The following IFT140 variants were observed in gnomAD, a reference collection of about 807,000 sequenced individuals.
IFT140 encodes intraflagellar transport 140, also known as intraflagellar transport protein 140 homolog.
A neutral mutation model predicts 164.6 loss-of-function variants in IFT140; 133 were observed. The observed-to-expected ratio is 0.81, with a 90% CI of 0.70 to 0.93. The LOEUF (loss-of-function observed/expected upper bound fraction) is 0.93. IFT140 is among the 40% of genes least tolerant of loss of function. The pLI is 0.00. For synonymous variants in IFT140, 860 were observed against 817.3 expected, an observed-to-expected ratio of 1.05 and a Z score of -0.89; for missense variants, 2,045 against 1,972.3, an observed-to-expected ratio of 1.04 and a Z score of -0.70.
rs1489022769 is a variant in IFT140, at chr16:1,526,080, G to A, written c.2578-3C>T. 2 of 1,577,452 alleles carry A rather than the reference G, an allele frequency of 1.3e-6. No homozygotes were observed. On this transcript the variant is annotated splice_region_variant and splice_polypyrimidine_tract_variant and intron_variant, in intron 20 of 30. Transcript: ENST00000426508. ...CTGTACAGCTGCTCGGCGTCCTCCT[G>A]AGGAATGAGGATGGGCAGGTGTCGT...
Position 1,520,133 on chromosome 16 carries a change from G to T in IFT140, c.3871C>A (p.Gln1291Lys). 1 of 1,613,948 alleles carries T rather than the reference G, an allele frequency of 6.2e-7. No homozygotes were observed. The highest frequency in any genetic ancestry group is 8.5e-7 in the Non-Finnish European group (1 of 1,179,842). The change falls in exon 28 of 31, where the codon CAG becomes AAG. Residue 1291 changes from glutamine to lysine, a missense_variant and splice_region_variant. Coordinates refer to ENST00000426508, the MANE Select transcript of IFT140 (RefSeq NM_014714.4). ...LLAGFYDACA[Q>K]VEIDEYQNYD... ...GGCATGCCAGGGAGGGCCTGCACCT[G>T]GGCACAAGCGTCATAAAAGCCAGCC... is the stretch of plus-strand genomic sequence containing the variant.
Position 1,583,978 on chromosome 16 carries a change from G to C in IFT140, c.1359+239C>G, listed in dbSNP as rs141407175. On this transcript the variant is annotated intron_variant, in intron 11 of 30. Transcript: ENST00000426508. ...TCGAACTCCTGACCTCAAGTGATCT[G>C]CCCACCTCAGCCTCCCAAAGCGCTG... is the stretch of plus-strand genomic sequence containing the variant. Among the ~76,000 whole-genome samples the C allele has an allele frequency of 2.5e-3, 373 of 152,206 alleles. 1 individual carries two copies. The highest frequency in any genetic ancestry group is 8.6e-3 in the African/African-American group (357 of 41,528).
rs1567372955 is a variant in IFT140 at position 1,561,982 on chromosome 16, T to C, written c.2199+3A>G. The stretch of plus-strand genomic sequence containing the variant: ...CACCTGTGCGGATGTCGTGGCTTCG[T>C]ACCTTTCTTGTGAAGTAGTAATAAG... On this transcript the variant is annotated splice_donor_region_variant and intron_variant, in intron 18 of 30. Transcript: ENST00000426508. The C allele has an allele frequency of 6.3e-7, 1 of 1,597,958 alleles. No individual in the cohort carries two copies. The highest frequency in any genetic ancestry group is 1.7e-4 in the Middle Eastern group (1 of 5,988).
chr16:1,605,321 CTG>C (rs1274175640), intron 3 of IFT140, among the ~76,000 whole-genome samples: 1 of 152,196 alleles, frequency 6.6e-6, no homozygotes, highest in African/African-American at 2.4e-5. Flanking sequence ...CAACTGATGA[CTG>C]TCGCTGCTTG....
intron 6 of IFT140, among the ~76,000 whole-genome samples, chr16:1,590,028 C>G (rs893187018): frequency 5.3e-5 from 8 of 151,966 alleles, no homozygotes; most frequent in Non-Finnish European, 8.8e-5. Context: ...GAAATCCTGT[C>G]TATACTAAAA....
chr16:1,579,064 TGAC>T (rs1375377624), intron 13 of IFT140, among the ~76,000 whole-genome samples: 1 of 152,220 alleles, frequency 6.6e-6, no homozygotes, highest in Non-Finnish European at 1.5e-5. Flanking sequence ...AGCCTATTGT[TGAC>T]AACAAGACTT....
At chr16:1,511,191 A>G (rs201271765) in intron 30 of IFT140, 41 bp from the exon 31 acceptor site, 2 of 1,517,726 alleles carry the variant, frequency 1.3e-6, no homozygotes, top group Non-Finnish European at 1.8e-6. Flanking sequence ...TTCCTGAACA[A>G]CCAGGCACGA....
chr16:1,552,093 C>G (rs951498552), intron 19 of IFT140, among the ~76,000 whole-genome samples: 1 of 152,150 alleles, frequency 6.6e-6, no homozygotes, highest in Non-Finnish European at 1.5e-5. Context: ...CTGTTCCATT[C>G]GGATGAATGA....
At chr16:1,571,307 C>G (rs2033999793) in intron 14 of IFT140, 100 bp downstream of exon 14, 1 of 1,144,964 alleles carries the variant, frequency 8.7e-7, no homozygotes, top group Non-Finnish European at 1.2e-6. Flanking sequence ...AAAATGGGCA[C>G]CTAAGGAGTC....
intron 30 of IFT140, among the ~76,000 whole-genome samples, chr16:1,516,348 G>A (rs1260538618): frequency 6.6e-6 from 1 of 152,116 alleles, no homozygotes; most frequent in African/African-American, 2.4e-5. Context: ...ACACGGGTGG[G>A]AAATGGACCT....
At position 1,564,207 on chromosome 16, in the gene IFT140, C is replaced by G; in HGVS notation, c.1902-45G>C. On this transcript the variant is annotated intron_variant, in intron 16 of 30. Transcript: ENST00000426508. This position sits in a 1 kb window ranked among gnomAD's most constrained non-coding sequence, Gnocchi z 5.5. ...CCGTTTCAACCCCAGGGCGGGCACT[C>G]CTGCTACCAGTCTCCCTCCCACACA... 2 of 1,494,586 alleles carry G rather than the reference C, an allele frequency of 1.3e-6. No homozygotes were observed. The allele number at this position is 1,494,586 out of a possible 1,614,324, so 92.6% of individuals were successfully genotyped here. A position where few individuals can be genotyped will look rare whatever the true frequency, so the allele number is the denominator to read the frequency against.
At chr16:1,534,645 G>T (rs988719723) in intron 19 of IFT140, 31 of 1,565,252 alleles carry the variant, frequency 2.0e-5, no homozygotes, top group Non-Finnish European at 2.4e-5. Context: ...TGAGCGGGTG[G>T]GGAGGCCTGG....
intron 6 of IFT140, among the ~76,000 whole-genome samples, chr16:1,591,346 G>T (rs1354139145): frequency 6.6e-6 from 1 of 152,080 alleles, no homozygotes; most frequent in Non-Finnish European, 1.5e-5. Flanking sequence ...TCTTCTCAAT[G>T]TCCCCCCTCC....
chr16:1,581,605 A>G (rs2034561710), intron 12 of IFT140, among the ~76,000 whole-genome samples: 1 of 151,212 alleles, frequency 6.6e-6, no homozygotes, highest in African/African-American at 2.4e-5. Context: ...CTCAGAAAGA[A>G]TCTAGTTAGG....
rs2033820820 is a variant in IFT140, at chr16:1,568,132, G to A, written c.1770+85C>T. 6 of 908,648 alleles carry A rather than the reference G, an allele frequency of 6.6e-6. No individual in the cohort carries two copies. In the South Asian group the frequency reaches 7.2e-5, roughly 11 times the overall value. 56.3% of individuals were successfully genotyped at this position (908,648 alleles called of 1,614,324 possible). A position where few individuals can be genotyped will look rare whatever the true frequency, so the allele number is the denominator to read the frequency against. ...GGACAGGAAGACTTGCACAGGAGGA[G>A]AGAGGCACGAGCAGGCAGGAGGCCT... is the stretch of plus-strand genomic sequence containing the variant. On this transcript the variant is annotated intron_variant, in intron 15 of 30. Transcript: ENST00000426508.
chr16:1,536,094 C>T (rs2031042383), intron 19 of IFT140, among the ~76,000 whole-genome samples: 1 of 152,244 alleles, frequency 6.6e-6, no homozygotes, highest in Non-Finnish European at 1.5e-5. Context: ...ACAGAGCACC[C>T]CCGGGGGAGG....
chr16:1,555,010 T>C (rs2032976108), intron 19 of IFT140: 1 of 1,611,590 alleles, frequency 6.2e-7, no homozygotes, highest in African/African-American at 1.3e-5. Flanking sequence ...AATGACTACG[T>C]GGAGTCACCA....
Position 1,525,875 on chromosome 16 carries a change from G to T in IFT140, c.2768+12C>A. The T allele has an allele frequency of 6.6e-7, 1 of 1,524,872 alleles. No homozygotes were observed. The highest frequency in any genetic ancestry group is 1.2e-5 in the South Asian group (1 of 82,496). 94.5% of individuals were successfully genotyped at this position (1,524,872 alleles called of 1,614,324 possible). A position where few individuals can be genotyped will look rare whatever the true frequency, so the allele number is the denominator to read the frequency against. Reference sequence around the variant, plus strand: ...AGAGAGGCAGGGAAGAGGCCGCGAGGGCCGCACTCACTAACTGAGGGCCCG... The same window carrying T: ...AGAGAGGCAGGGAAGAGGCCGCGAGTGCCGCACTCACTAACTGAGGGCCCG... On this transcript the variant is annotated intron_variant, in intron 21 of 30. Transcript: ENST00000426508.
intron 19 of IFT140, among the ~76,000 whole-genome samples, chr16:1,556,193 G>A (rs1365222845): frequency 1.3e-5 from 2 of 152,218 alleles, no homozygotes; most frequent in African/African-American, 2.4e-5. Context: ...TGCTGCACTG[G>A]GTCCAAACAA....
Sources: allele counts gnomAD v4.1 joint callset (sites outside exome capture counted in the v4.1 genomes callset), GRCh38; gene constraint gnomAD v4.1.1; non-coding constraint Gnocchi (gnomAD v3.1); transcripts MANE v1.5; gene names NCBI Gene and HGNC (gene_info 2026-07-23, HGNC 2026-07-21).